Variants in DNAAF5 observed in about 807,000 individuals in gnomAD.
DNAAF5 encodes the protein HEAT repeat containing 2.
In DNAAF5, 64 loss-of-function variants were observed where a neutral mutation model predicts 75.8. The ratio of observed to expected loss-of-function variants is 0.84; its 90% confidence interval spans 0.69 to 1.04. The LOEUF (loss-of-function observed/expected upper bound fraction) is 1.04. Ranked by LOEUF, DNAAF5 falls within the 50% of genes least tolerant of loss-of-function variation. The pLI, the probability that DNAAF5 is intolerant of heterozygous loss-of-function variation, is 0.00. For missense variants in DNAAF5, 1,269 were observed against 1,178.5 expected (o/e 1.08, Z -1.12); for synonymous variants, 657 against 557.2 (o/e 1.18, Z -2.52).
intron 1 of DNAAF5, among the ~76,000 whole-genome samples, chr7:728,919 GT>G (rs1452793243): frequency 2.0e-5 from 3 of 151,814 alleles, no homozygotes; most frequent in Admixed American, 6.6e-5. Flanking sequence ...TGGAATAGCC[GT>G]TTCCCAGACG....
intron 2 of DNAAF5, among the ~76,000 whole-genome samples, chr7:739,103 C>CTGACAGG (rs1562377082): frequency 4.9e-5 from 5 of 101,400 alleles, no homozygotes; most frequent in South Asian, 5.0e-4. Flanking sequence ...CGCCCTCTGC[C>CTGACAGG]CCATCACTGT....
At chr7:769,158 G>A in intron 8 of DNAAF5, 1 of 773,764 alleles carries the variant, frequency 1.3e-6, no homozygotes, top group Admixed American at 1.7e-5. Flanking sequence ...ATGACTGGCG[G>A]CGCCAGGGAG....
intron 2 of DNAAF5, among the ~76,000 whole-genome samples, chr7:731,194 A>G (rs1781551976): frequency 6.6e-6 from 1 of 152,160 alleles, no homozygotes; most frequent in Non-Finnish European, 1.5e-5. Flanking sequence ...AAACAGTGTG[A>G]TGACTCTGTA....
Position 763,788 on chromosome 7 carries a change from C to CTT in DNAAF5, c.1615-17_1615-16insTT. The CTT allele has an allele frequency of 6.2e-7, 1 of 1,612,352 alleles. No individual in the cohort carries two copies. On this transcript the variant is annotated splice_polypyrimidine_tract_variant and intron_variant, in intron 7 of 12. Transcript: ENST00000297440. ...CTGAGTGTTGGAATTGTCTCAGTCT[C>CTT]TGACTTGTAACCTCCAGGCACAGGA...
intron 4 of DNAAF5, among the ~76,000 whole-genome samples, chr7:749,129 G>A (rs1782211189): frequency 6.6e-6 from 1 of 152,060 alleles, no homozygotes; most frequent in African/African-American, 2.4e-5. Context: ...TGCTGGGAGG[G>A]TTGGGAGGGC....
rs189340616 is a variant in DNAAF5, at chr7:738,244, G to A, written c.781-2575G>A. ...CAGTATGCTAATTCCTTTTTTCTAC[G>A]CCAGAATTTCTGCTTGATGCTTTTT... On this transcript the variant is annotated intron_variant, in intron 2 of 12. Coordinates refer to ENST00000297440, the MANE Select transcript of DNAAF5 (RefSeq NM_017802.4). Among the ~76,000 whole-genome samples, 581 of 152,032 alleles carry A rather than the reference G, an allele frequency of 3.8e-3. 9 individuals are homozygous for A. The South Asian group carries it at 0.043, about 11-fold the overall frequency.
At chr7:745,531 A>G (rs1173495055) in intron 4 of DNAAF5, among the ~76,000 whole-genome samples, 1 of 150,652 alleles carries the variant, frequency 6.6e-6, no homozygotes, top group African/African-American at 2.4e-5. Context: ...ACGTGTGTAC[A>G]TGCATATCGT....
rs1238337536 is a variant in DNAAF5 at position 754,460 on chromosome 7, A to C, written c.1025-129A>C. 1 of 788,988 alleles carries C rather than the reference A, an allele frequency of 1.3e-6. No homozygotes were observed. Among genetic ancestry groups the C allele is most frequent in the South Asian group, 1.6e-5 (1 of 61,564 alleles). 48.9% of individuals were successfully genotyped at this position (788,988 alleles called of 1,614,324 possible). The stretch of plus-strand genomic sequence containing the variant: ...CGGGGCATTTGTCAGCTTTGCGTCC[A>C]CCCCAAGACTTGTTTTGAAATGGTG... On this transcript the variant is annotated intron_variant, in intron 4 of 12. Transcript: ENST00000297440. The surrounding 1 kb of genome is among the most constrained non-coding windows in gnomAD (Gnocchi z 4.8).
In DNAAF5 at chr7:754,556, A is replaced by G; in HGVS notation, c.1025-33A>G. 1 of 1,576,640 alleles carries G rather than the reference A, an allele frequency of 6.3e-7. No individual in the cohort carries two copies. The highest frequency in any genetic ancestry group is 8.7e-7 in the Non-Finnish European group (1 of 1,147,378). On this transcript the variant is annotated intron_variant, in intron 4 of 12. Coordinates refer to ENST00000297440, the MANE Select transcript of DNAAF5 (RefSeq NM_017802.4). The surrounding 1 kb of genome is among the most constrained non-coding windows in gnomAD (Gnocchi z 4.8). ...TGAGTTGTTGAGGTTTTGCTTGTGA[A>G]TTTCTCATTCTTCTTTCCCTTTTTC...
At chr7:757,660 A>G (rs919518748) in intron 6 of DNAAF5, among the ~76,000 whole-genome samples, 2 of 152,272 alleles carry the variant, frequency 1.3e-5, no homozygotes, top group African/African-American at 2.4e-5. Context: ...GGAATAATCC[A>G]TAGTTGTATT....
At chr7:739,342 G>C (rs897344561) in intron 2 of DNAAF5, among the ~76,000 whole-genome samples, 8 of 152,186 alleles carry the variant, frequency 5.3e-5, no homozygotes, top group African/African-American at 1.9e-4. Context: ...GGCAGGTGTC[G>C]ACTGCATTAA....
intron 12 of DNAAF5, among the ~76,000 whole-genome samples, chr7:783,712 C>T (rs6975434): frequency 0.041 from 6,232 of 152,284 alleles, 447 homozygotes; most frequent in African/African-American, 0.14. Context: ...ATCCACGCAA[C>T]GCCCCCAGCT....
intron 2 of DNAAF5, among the ~76,000 whole-genome samples, chr7:731,751 A>G (rs533541059): frequency 2.0e-5 from 3 of 152,164 alleles, no homozygotes; most frequent in South Asian, 2.1e-4. Flanking sequence ...GCCCAAGACA[A>G]TTCTTCCAGC....
intron 11 of DNAAF5, chr7:778,765 C>CGTGCAGTGAGCATACCCCCT (rs1190258382): frequency 2.6e-5 from 4 of 152,130 alleles, no homozygotes; most frequent in African/African-American, 9.7e-5. Flanking sequence ...GGGCTCCCGC[C>CGTGCAGTGAGCATACCCCCT]GTGCAGTGAG....
chr7:774,234 C>T (rs778335639), intron 10 of DNAAF5, 36 bp downstream of exon 10: 44 of 1,565,834 alleles, frequency 2.8e-5, no homozygotes, highest in Non-Finnish European at 3.6e-5. Context: ...GGACACCGGC[C>T]GGGGACTGCG....
At chr7:776,226 C>G (rs1337827069) in intron 11 of DNAAF5, among the ~76,000 whole-genome samples, 1 of 152,058 alleles carries the variant, frequency 6.6e-6, no homozygotes, top group Admixed American at 6.5e-5. Flanking sequence ...GTTCCAGCTA[C>G]TCAGGAGGCT....
At chr7:737,419 A>G (rs979869214) in intron 2 of DNAAF5, among the ~76,000 whole-genome samples, 2 of 152,328 alleles carry the variant, frequency 1.3e-5, no homozygotes, top group African/African-American at 4.8e-5. Context: ...TCATAGGCTC[A>G]TCTTTTAGTC....
intron 10 of DNAAF5, among the ~76,000 whole-genome samples, chr7:774,716 G>A (rs1778699961): frequency 6.6e-6 from 1 of 152,196 alleles, no homozygotes; most frequent in Non-Finnish European, 1.5e-5. Flanking sequence ...GGTGCGGTCG[G>A]TGCTCCAGCC....
chr7:764,181 T>G (rs1475787769), intron 8 of DNAAF5, among the ~76,000 whole-genome samples: 1 of 152,230 alleles, frequency 6.6e-6, no homozygotes, highest in Non-Finnish European at 1.5e-5. Flanking sequence ...ACGCAGCTCT[T>G]CCACTTGGCC....
Sources: gnomAD v4.1 joint callset for allele counts (sites outside exome capture counted in the v4.1 genomes callset) on GRCh38, gnomAD v4.1.1 for gene constraint, Gnocchi (gnomAD v3.1) non-coding constraint, MANE v1.5 for transcripts, NCBI Gene and HGNC (gene_info 2026-07-23, HGNC 2026-07-21) for gene names.